Variants in OSBPL1A observed in about 807,000 individuals in gnomAD.
OSBPL1A encodes the protein oxysterol-binding protein-related protein 1.
Under a neutral mutation model 137.1 loss-of-function variants are expected in OSBPL1A, and 80 were observed. The observed-to-expected ratio is 0.58, with a 90% CI of 0.49 to 0.70. The LOEUF is 0.70. OSBPL1A is among the 30% of genes least tolerant of loss of function. OSBPL1A has a pLI of 0.00. For missense variants in OSBPL1A, 970 were observed against 1,129.4 expected, an observed-to-expected ratio of 0.86 and a Z score of 2.02; for synonymous variants, 365 against 389.7, an observed-to-expected ratio of 0.94 and a Z score of 0.75.
chr18:24,264,907 C>T (rs745406639), intron 15 of OSBPL1A, among the ~76,000 whole-genome samples: 1 of 152,190 alleles, frequency 6.6e-6, no homozygotes, highest in Non-Finnish European at 1.5e-5. Context: ...TGACACTCTC[C>T]TCCTGGCCCT....
intron 26 of OSBPL1A, 118 bp from the exon 27 acceptor site, chr18:24,165,273 G>T: frequency 1.1e-6 from 1 of 909,660 alleles, no homozygotes; most frequent in Non-Finnish European, 1.7e-6. Context: ...CCTTTTATTA[G>T]AACACAAATA....
intron 1 of OSBPL1A, among the ~76,000 whole-genome samples, chr18:24,383,725 G>A (rs1906766890): frequency 6.6e-6 from 1 of 152,240 alleles, no homozygotes; most frequent in South Asian, 2.1e-4. Flanking sequence ...CTGCACTCCA[G>A]CCTGGTGACA....
chr18:24,329,604 G>A (rs1275603641), intron 7 of OSBPL1A, among the ~76,000 whole-genome samples: 2 of 149,498 alleles, frequency 1.3e-5, no homozygotes, highest in Non-Finnish European at 3.0e-5. Context: ...TACAAATCAA[G>A]TCACTGAGTT....
rs1233264916 is a variant in OSBPL1A, at chr18:24,250,174, G to GTTTTTTTTTTTTTTTTT, written c.1282-10793_1282-10792insAAAAAAAAAAAAAAAAA. ...TGTGTTTTTGTTTGTTTGTTTGTTT[G>GTTTTTTTTTTTTTTTTT]TTTGTTTGTTTGTTTTTTTTGACAT... On this transcript the variant is annotated intron_variant, in intron 15 of 27. Transcript: ENST00000319481. Among the ~76,000 whole-genome samples, 4 of 75,352 alleles carry GTTTTTTTTTTTTTTTTT rather than the reference G, an allele frequency of 5.3e-5. 1 individual carries two copies. The highest frequency in any genetic ancestry group is 7.7e-5 in the Non-Finnish European group (3 of 38,836). The allele number at this position is 75,352 out of a possible 152,430, so 49.4% of individuals were successfully genotyped here.
intron 15 of OSBPL1A, among the ~76,000 whole-genome samples, chr18:24,275,728 CTTTT>C (rs11290304): frequency 2.8e-5 from 4 of 143,014 alleles, no homozygotes; most frequent in Non-Finnish European, 6.1e-5. Flanking sequence ...GTCCCACTCT[CTTTT>C]TTTTTTTTTT....
intron 7 of OSBPL1A, among the ~76,000 whole-genome samples, chr18:24,329,892 T>G (rs763089761): frequency 6.6e-6 from 1 of 152,200 alleles, no homozygotes; most frequent in Non-Finnish European, 1.5e-5. Flanking sequence ...AGGCACTTGA[T>G]TTGACAGCTC....
intron 15 of OSBPL1A, among the ~76,000 whole-genome samples, chr18:24,273,274 G>A (rs77934900): frequency 0.023 from 3,457 of 152,274 alleles, 57 homozygotes; most frequent in Non-Finnish European, 0.031. Flanking sequence ...AACTGTTACT[G>A]TACTTGGAAA....
In OSBPL1A at chr18:24,318,743, T is replaced by C. The variant is rs1475840305; in HGVS notation, c.687+5A>G. ...ATTAGATAAATTTAATTCATTACTC[T>C]GTACCTTATTACCAACAAGAATGTG... On this transcript the variant is annotated splice_donor_5th_base_variant and intron_variant, in intron 8 of 27. Transcript: ENST00000319481. 18 of 1,611,532 alleles carry C rather than the reference T, an allele frequency of 1.1e-5. No individual in the cohort carries two copies. The highest frequency in any genetic ancestry group is 2.7e-5 in the African/African-American group (2 of 74,874).
chr18:24,163,402 T>A, intron 27 of OSBPL1A, 121 bp from the exon 28 acceptor site: 1 of 657,416 alleles, frequency 1.5e-6, no homozygotes, highest in Non-Finnish European at 2.6e-6. Context: ...GGGATAGTTC[T>A]AAAGAGATGC....
intron 12 of OSBPL1A, 141 bp downstream of exon 12, chr18:24,314,108 A>C: frequency 9.4e-6 from 5 of 531,014 alleles, no homozygotes; most frequent in South Asian, 3.6e-5. Context: ...CTGTCTCAAA[A>C]ACATAAATAA....
chr18:24,272,232 G>T, intron 15 of OSBPL1A: 2 of 981,336 alleles, frequency 2.0e-6, no homozygotes, highest in Middle Eastern at 5.2e-4. Context: ...ACCGGCCCTG[G>T]CAACTTTTTT....
intron 13 of OSBPL1A, among the ~76,000 whole-genome samples, chr18:24,310,498 A>G (rs1248701258): frequency 4.7e-5 from 7 of 148,720 alleles, no homozygotes; most frequent in Admixed American, 4.7e-4. Context: ...GCTACTCGGC[A>G]GGCTGAGGCA....
intron 7 of OSBPL1A, among the ~76,000 whole-genome samples, chr18:24,328,953 T>A (rs1219613357): frequency 6.6e-6 from 1 of 152,230 alleles, no homozygotes. Flanking sequence ...ACATGGCTAC[T>A]AGAAATTTAA....
intron 15 of OSBPL1A, among the ~76,000 whole-genome samples, chr18:24,279,882 C>T (rs1343564135): frequency 6.6e-6 from 1 of 152,286 alleles, no homozygotes; most frequent in Admixed American, 6.5e-5. Context: ...CTCTGTCACT[C>T]AGGCTGGAGT....
rs193127820 is a variant in OSBPL1A at position 24,253,690 on chromosome 18, T to C, written c.1282-14308A>G. On this transcript the variant is annotated intron_variant, in intron 15 of 27. Transcript: ENST00000319481. ...AATCATAGTGGGTTCAAGTGAGGTT[T>C]TCTTGCTGTCTTTTCCTGGGTGGGA... Among the ~76,000 whole-genome samples, 8 of 152,350 alleles carry C rather than the reference T, an allele frequency of 5.3e-5. No homozygotes were observed. In the East Asian group the frequency reaches 1.5e-3, roughly 29 times the overall value.
chr18:24,363,864 C>T (rs1489002107), intron 4 of OSBPL1A, among the ~76,000 whole-genome samples: 5 of 151,806 alleles, frequency 3.3e-5, no homozygotes, highest in Admixed American at 6.6e-5. Flanking sequence ...TCTCAAACTC[C>T]CGTGCTCAAG....
chr18:24,225,235 T>C (rs1411021488), intron 16 of OSBPL1A, 37 bp from the exon 17 acceptor site: 2 of 1,610,906 alleles, frequency 1.2e-6, no homozygotes, highest in South Asian at 1.1e-5. Flanking sequence ...TGAATTGAAC[T>C]TGGGTGTGAG....
chr18:24,248,135 T>A (rs9964923), intron 15 of OSBPL1A, among the ~76,000 whole-genome samples: 8,120 of 152,244 alleles, frequency 0.053, 299 homozygotes, highest in African/African-American at 0.097. Context: ...GTGCACAGAT[T>A]CAGATAGATG....
At chr18:24,218,635 G>C (rs1274243387) in intron 17 of OSBPL1A, among the ~76,000 whole-genome samples, 1 of 151,826 alleles carries the variant, frequency 6.6e-6, no homozygotes, top group East Asian at 1.9e-4. Flanking sequence ...GGTAGAGACG[G>C]GGGTTTCACT....
Sources: gnomAD v4.1 joint callset for allele counts (sites outside exome capture counted in the v4.1 genomes callset) on GRCh38, gnomAD v4.1.1 for gene constraint, MANE v1.5 for transcripts, NCBI Gene and HGNC (gene_info 2026-07-23, HGNC 2026-07-21) for gene names.